MCC: variants seen among roughly 807,000 people sequenced by gnomAD.
The protein encoded by MCC is colorectal mutant cancer protein.
In MCC, 90 loss-of-function variants were observed where a neutral mutation model predicts 116.2. The ratio of observed to expected loss-of-function variants is 0.77; its 90% CI spans 0.65 to 0.92. MCC has a LOEUF of 0.92. MCC is among the 40% of genes least tolerant of loss of function. The pLI is 0.00. For synonymous variants in MCC, 578 were observed against 510.5 expected, an observed-to-expected ratio of 1.13 and a Z score of -1.78; for missense variants, 1,516 against 1,312.2, an observed-to-expected ratio of 1.16 and a Z score of -2.40.
intron 11 of MCC, among the ~76,000 whole-genome samples, chr5:113,076,862 A>G (rs1240439512): frequency 6.6e-6 from 1 of 152,252 alleles, no homozygotes. Flanking sequence ...ACAGACTGGC[A>G]AATTGGATAA....
chr5:113,088,394 A>G (rs1755353534), intron 8 of MCC, among the ~76,000 whole-genome samples: 1 of 151,556 alleles, frequency 6.6e-6, no homozygotes, highest in African/African-American at 2.4e-5. Flanking sequence ...CACCCATTGT[A>G]GTGGGTTGGA....
intron 3 of MCC, among the ~76,000 whole-genome samples, chr5:113,241,677 T>C (rs1764374421): frequency 6.6e-6 from 1 of 152,212 alleles, no homozygotes; most frequent in Non-Finnish European, 1.5e-5. Flanking sequence ...AGACCTCAGT[T>C]ACTACAGGCT....
intron 12 of MCC, among the ~76,000 whole-genome samples, chr5:113,070,345 G>C (rs556424148): frequency 4.1e-4 from 62 of 152,190 alleles, no homozygotes; most frequent in African/African-American, 1.5e-3. Flanking sequence ...TAGTTTTGCA[G>C]CTTTAAACAA....
intron 3 of MCC, among the ~76,000 whole-genome samples, chr5:113,224,877 A>G (rs1031324049): frequency 1.3e-5 from 2 of 152,228 alleles, no homozygotes; most frequent in Non-Finnish European, 2.9e-5. Context: ...CACATCATCA[A>G]TTACATAGGG....
chr5:113,268,447 A>G (rs1765494005), intron 3 of MCC, among the ~76,000 whole-genome samples: 1 of 152,192 alleles, frequency 6.6e-6, no homozygotes, highest in South Asian at 2.1e-4. Flanking sequence ...ATTCCAGACC[A>G]TAATGTTTGT....
intron 2 of MCC, among the ~76,000 whole-genome samples, chr5:113,371,511 G>C (rs1399214848): frequency 6.6e-6 from 1 of 152,142 alleles, no homozygotes; most frequent in African/African-American, 2.4e-5. Context: ...TAATATTTTT[G>C]TGTTAAAATT....
intron 5 of MCC, among the ~76,000 whole-genome samples, chr5:113,127,723 T>C (rs1758150434): frequency 1.3e-5 from 2 of 152,112 alleles, no homozygotes; most frequent in Non-Finnish European, 1.5e-5. Context: ...TTGTTTAAGT[T>C]CCTTATAGAT....
intron 17 of MCC, among the ~76,000 whole-genome samples, chr5:113,030,974 G>T (rs1750915425): frequency 6.6e-6 from 1 of 152,198 alleles, no homozygotes; most frequent in African/African-American, 2.4e-5. Context: ...AACGGCATGG[G>T]AATGTGACGT....
chr5:113,079,694 C>G (rs562807431), intron 11 of MCC, among the ~76,000 whole-genome samples: 1 of 152,278 alleles, frequency 6.6e-6, no homozygotes, highest in East Asian at 1.9e-4. Context: ...AGACCTAAAA[C>G]CGTAAAACCT....
At chr5:113,073,628 A>C (rs1346623496) in intron 11 of MCC, among the ~76,000 whole-genome samples, 2 of 150,666 alleles carry the variant, frequency 1.3e-5, no homozygotes, top group African/African-American at 4.9e-5. Flanking sequence ...TTAAGTGGCC[A>C]TAAGAATATC....
In MCC at chr5:113,104,324, C is replaced by G. The variant is rs1293947187; in HGVS notation, c.1059G>C (p.Gln353His). 1 of 1,613,516 alleles carries G rather than the reference C, an allele frequency of 6.2e-7. No homozygotes were observed. Among genetic ancestry groups the G allele is most frequent in the East Asian group, 2.2e-5 (1 of 44,894 alleles). The change falls in exon 7 of 19, where the codon CAG (glutamine) becomes CAC (histidine). Residue 353 changes from glutamine to histidine, a missense_variant. Physicochemically the swap from Gln to His is conservative, Grantham distance 24. Transcript: ENST00000408903. ...DNCSDLNSEL[Q>H]RVLTGLENVV... ...CATTCTCCAGCCCTGTCAGCACCCTCTGCAGTTCTGAGTTCAGGTCACTGC... is the reference window on the plus strand; with the variant it reads ...CATTCTCCAGCCCTGTCAGCACCCTGTGCAGTTCTGAGTTCAGGTCACTGC...
chr5:113,131,062 G>A (rs758764236), intron 5 of MCC, among the ~76,000 whole-genome samples: 1 of 152,250 alleles, frequency 6.6e-6, no homozygotes. Context: ...AGAGGGTTTT[G>A]GTAAACTGTT....
chr5:113,071,884 G>A (rs751046564), intron 11 of MCC, among the ~76,000 whole-genome samples: 2 of 152,144 alleles, frequency 1.3e-5, no homozygotes, highest in African/African-American at 4.8e-5. Context: ...GGAAATGGAC[G>A]AGGAGCTATG....
rs1561446870 is a variant in MCC at position 113,194,720 on chromosome 5, A to AAGG, written c.628-43299_628-43298insCCT. On this transcript the variant is annotated intron_variant, in intron 3 of 18. Coordinates refer to ENST00000408903, the MANE Select transcript of MCC (RefSeq NM_001085377.2). ...GGGGAAGGGAAAGGGAAAGGGGAAG[A>AAGG]GAAGAGGCCTCCTGATTCCCTATGA... 5.3e-5 allele frequency among the ~76,000 whole-genome samples: 8 copies of AAGG among 151,858 alleles called. No individual in the cohort carries two copies. In the East Asian group the frequency reaches 9.7e-4, roughly 18 times the overall value.
intron 3 of MCC, among the ~76,000 whole-genome samples, chr5:113,265,894 T>C (rs975079166): frequency 2.0e-5 from 3 of 152,002 alleles, no homozygotes; most frequent in African/African-American, 7.3e-5. Context: ...TGCAGGGCAA[T>C]CCCTAGAAAA....
Position 113,347,802 on chromosome 5 carries a change from AGACCAAAT to A in MCC, c.416-7080_416-7073del, listed in dbSNP as rs569457088. Reference sequence around the variant, plus strand: ...GAGTGCCTAAATGGATAAAAAAGCAAGACCAAATGACCAAATGACCTGTTGCCTACAAG... The same window carrying A: ...GAGTGCCTAAATGGATAAAAAAGCAAGACCAAATGACCTGTTGCCTACAAG... On this transcript the variant is annotated intron_variant, in intron 2 of 18. Transcript: ENST00000408903. Among the ~76,000 whole-genome samples the A allele has an allele frequency of 1.5e-3, 233 of 152,226 alleles. 1 individual carries two copies. Among genetic ancestry groups the A allele is most frequent in the Non-Finnish European group, 2.5e-3 (169 of 67,950 alleles).
At chr5:113,263,323 A>G (rs1765282963) in intron 3 of MCC, among the ~76,000 whole-genome samples, 1 of 152,216 alleles carries the variant, frequency 6.6e-6, no homozygotes, top group Non-Finnish European at 1.5e-5. Context: ...GAAGGAGGAA[A>G]TGGAATCTAC....
chr5:113,422,524 T>C (rs1770369194), intron 1 of MCC, among the ~76,000 whole-genome samples: 1 of 152,246 alleles, frequency 6.6e-6, no homozygotes, highest in Non-Finnish European at 1.5e-5. Flanking sequence ...TTTAGCAATT[T>C]GCTTTTGCAA....
chr5:113,438,751 A>C (rs1770942262), intron 1 of MCC, among the ~76,000 whole-genome samples: 1 of 152,252 alleles, frequency 6.6e-6, no homozygotes, highest in South Asian at 2.1e-4. Flanking sequence ...ACTACAGGGA[A>C]GCTAAAAACA....
Sources: gnomAD v4.1 joint callset for allele counts (sites outside exome capture counted in the v4.1 genomes callset) on GRCh38, gnomAD v4.1.1 for gene constraint, MANE v1.5 for transcripts, NCBI Gene and HGNC (gene_info 2026-07-23, HGNC 2026-07-21) for gene names.